RNGTT: variants seen among roughly 807,000 people sequenced by gnomAD.
The protein encoded by RNGTT is mRNA-capping enzyme.
RNGTT carries 33 observed loss-of-function variants against 79.3 expected under a neutral mutation model. The ratio of observed to expected loss-of-function variants is 0.42; its 90% CI spans 0.32 to 0.56. The LOEUF (loss-of-function observed/expected upper bound fraction) is 0.56. Among genes scored for constraint, RNGTT ranks in the 20% least tolerant of loss-of-function variants. The pLI is 0.17. For missense variants in RNGTT, 497 were observed against 739.1 expected, an observed-to-expected ratio of 0.67 and a Z score of 3.80; for synonymous variants, 222 against 235.9, an observed-to-expected ratio of 0.94 and a Z score of 0.54.
chr6:88,852,462 C>A (rs1163505395), intron 9 of RNGTT, among the ~76,000 whole-genome samples: 1 of 152,058 alleles, frequency 6.6e-6, no homozygotes. Context: ...AGAGCTGCCA[C>A]AAATGACTAT....
chr6:88,647,275 A>T (rs1773602904), intron 14 of RNGTT, among the ~76,000 whole-genome samples: 1 of 152,152 alleles, frequency 6.6e-6, no homozygotes, highest in African/African-American at 2.4e-5. Flanking sequence ...TAGTTTATAA[A>T]TAATAATTAT....
Position 88,752,302 on chromosome 6 carries a change from A to G in RNGTT, c.1439+17472T>C, listed in dbSNP as rs568361594. Reference sequence around the variant, plus strand: ...TTATTTTAATAATCAGAGCTATTTAATTTATTCCTCACTGGTTTTAATTAA... The same window carrying G: ...TTATTTTAATAATCAGAGCTATTTAGTTTATTCCTCACTGGTTTTAATTAA... On this transcript the variant is annotated intron_variant, in intron 13 of 15. Coordinates refer to ENST00000369485, the MANE Select transcript of RNGTT (RefSeq NM_003800.5). 2.7e-4 allele frequency among the ~76,000 whole-genome samples: 41 copies of G among 152,188 alleles called. 1 individual carries two copies. The highest frequency in any genetic ancestry group is 9.9e-4 in the African/African-American group (41 of 41,560).
rs1414127581 is a variant in RNGTT at position 88,610,563 on chromosome 6, CT to C, written c.*2155del. The C allele has an allele frequency of 6.6e-6, 1 of 152,300 alleles. No homozygotes were observed. The highest frequency in any genetic ancestry group is 1.9e-4 in the East Asian group (1 of 5,186). 9.4% of individuals were successfully genotyped at this position (152,300 alleles called of 1,614,324 possible). On this transcript the variant is annotated 3_prime_UTR_variant, in exon 16 of 16. Coordinates refer to ENST00000369485, the MANE Select transcript of RNGTT (RefSeq NM_003800.5). The stretch of plus-strand genomic sequence containing the variant: ...AAAATCCTGCCTCTAGATTATCCCC[CT>C]GACCTTCTAAATGACTTTTATAATA...
intron 4 of RNGTT, among the ~76,000 whole-genome samples, chr6:88,909,822 G>T (rs1368999006): frequency 6.6e-6 from 1 of 152,102 alleles, no homozygotes; most frequent in Non-Finnish European, 1.5e-5. Flanking sequence ...GCTTCAACAT[G>T]CAAAGCCTGT....
intron 8 of RNGTT, among the ~76,000 whole-genome samples, chr6:88,885,164 G>A (rs188623204): frequency 6.6e-6 from 1 of 152,152 alleles, no homozygotes; most frequent in Non-Finnish European, 1.5e-5. Flanking sequence ...TATCTTCTGA[G>A]AGGGCCTAGA....
chr6:88,710,321 A>G (rs1582365772), intron 13 of RNGTT, among the ~76,000 whole-genome samples: 1 of 152,246 alleles, frequency 6.6e-6, no homozygotes, highest in Non-Finnish European at 1.5e-5. Context: ...GTATTTAAAT[A>G]TACTGTATGT....
chr6:88,846,024 T>C (rs1000106474), intron 10 of RNGTT, among the ~76,000 whole-genome samples: 3 of 151,500 alleles, frequency 2.0e-5, no homozygotes, highest in Non-Finnish European at 4.4e-5. Context: ...GTCTAACAAC[T>C]GTTAAAACAT....
chr6:88,954,039 T>C (rs1274087655), intron 1 of RNGTT, among the ~76,000 whole-genome samples: 2 of 152,102 alleles, frequency 1.3e-5, no homozygotes, highest in African/African-American at 4.8e-5. Flanking sequence ...AAAGCATAAA[T>C]TTCACAGGGC....
At chr6:88,749,285 C>T (rs1777766272) in intron 13 of RNGTT, among the ~76,000 whole-genome samples, 1 of 151,682 alleles carries the variant, frequency 6.6e-6, no homozygotes, top group Non-Finnish European at 1.5e-5. Flanking sequence ...CTGTATGTAA[C>T]AAAAATAATA....
chr6:88,689,312 A>G (rs994073553), intron 13 of RNGTT, among the ~76,000 whole-genome samples: 5 of 151,392 alleles, frequency 3.3e-5, no homozygotes, highest in Non-Finnish European at 5.9e-5. Context: ...TAAAAAGTCT[A>G]TACCAGGCCA....
chr6:88,789,737 G>A (rs1275519189), intron 12 of RNGTT, among the ~76,000 whole-genome samples: 1 of 152,158 alleles, frequency 6.6e-6, no homozygotes, highest in Non-Finnish European at 1.5e-5. Context: ...TTCACAAGTA[G>A]ATCCACTAGT....
intron 14 of RNGTT, among the ~76,000 whole-genome samples, chr6:88,628,160 A>G (rs1199263590): frequency 2.0e-5 from 3 of 152,124 alleles, no homozygotes; most frequent in Non-Finnish European, 4.4e-5. Flanking sequence ...TGATGGATTT[A>G]TTTAAATTTT....
intron 11 of RNGTT, among the ~76,000 whole-genome samples, chr6:88,826,799 A>AAAATATATATATATATATGTGTGTGT (rs1554221302): frequency 7.9e-5 from 10 of 126,954 alleles, no homozygotes; most frequent in Admixed American, 7.7e-4. Flanking sequence ...AAAAAAAAAA[A>AAAATATATATATATATATGTGTGTGT]ATATATATAT....
At chr6:88,728,315 C>A (rs1300290328) in intron 13 of RNGTT, among the ~76,000 whole-genome samples, 1 of 152,204 alleles carries the variant, frequency 6.6e-6, no homozygotes, top group Admixed American at 6.5e-5. Context: ...CAGAAAAGTA[C>A]CTCTGTCCCT....
intron 14 of RNGTT, among the ~76,000 whole-genome samples, chr6:88,672,028 A>G (rs1774661958): frequency 6.6e-6 from 1 of 152,162 alleles, no homozygotes; most frequent in African/African-American, 2.4e-5. Context: ...AACACTGGAA[A>G]AACTCTTCTA....
chr6:88,614,133 C>T (rs141609495), intron 15 of RNGTT, 139 bp downstream of exon 15: 10,775 of 767,754 alleles, frequency 0.014, 227 homozygotes, highest in South Asian at 0.073. Context: ...ACAGACTTGA[C>T]GTATCTTTCC....
At chr6:88,937,995 A>G (rs766473492) in intron 2 of RNGTT, among the ~76,000 whole-genome samples, 4 of 152,190 alleles carry the variant, frequency 2.6e-5, no homozygotes, top group Non-Finnish European at 5.9e-5. Flanking sequence ...TCACAAGAAA[A>G]ATGTGTATTC....
At chr6:88,818,343 G>A (rs1407145659) in intron 11 of RNGTT, among the ~76,000 whole-genome samples, 2 of 152,050 alleles carry the variant, frequency 1.3e-5, no homozygotes, top group Non-Finnish European at 2.9e-5. Flanking sequence ...AGCACTTTGG[G>A]AGGCTGAAGC....
At chr6:88,725,287 C>T (rs567516097) in intron 13 of RNGTT, among the ~76,000 whole-genome samples, 149 of 152,216 alleles carry the variant, frequency 9.8e-4, no homozygotes, top group African/African-American at 3.4e-3. Context: ...AAGAAACTGG[C>T]CAGAAACCTA....
Sources: gnomAD v4.1 joint callset for allele counts (sites outside exome capture counted in the v4.1 genomes callset) on GRCh38, gnomAD v4.1.1 for gene constraint, MANE v1.5 for transcripts, NCBI Gene and HGNC (gene_info 2026-07-23, HGNC 2026-07-21) for gene names.